Variants in ENOX1 observed in about 807,000 individuals in gnomAD.
The protein encoded by ENOX1 is ecto-NOX disulfide-thiol exchanger 1.
In ENOX1, 42 loss-of-function variants were observed where a neutral mutation model predicts 82.5. The ratio of observed to expected loss-of-function variants is 0.51; its 90% CI spans 0.40 to 0.66. ENOX1 has a LOEUF of 0.66. Ranked by LOEUF, ENOX1 falls within the 30% of genes least tolerant of loss-of-function variation. The pLI is 0.00. For missense variants in ENOX1, 608 were observed against 811.6 expected (o/e 0.75, Z 3.05); for synonymous variants, 271 against 282.2 (o/e 0.96, Z 0.40).
At chr13:43,339,628 T>C (rs1271400423) in intron 9 of ENOX1, among the ~76,000 whole-genome samples, 3 of 152,172 alleles carry the variant, frequency 2.0e-5, no homozygotes, top group Non-Finnish European at 4.4e-5. Flanking sequence ...GGCTGTTTAG[T>C]GGACAGGCTA....
At chr13:43,778,112 T>C (rs866876735) in intron 1 of ENOX1, among the ~76,000 whole-genome samples, 4 of 152,240 alleles carry the variant, frequency 2.6e-5, no homozygotes, top group Non-Finnish European at 4.4e-5. Flanking sequence ...GGGGATGATG[T>C]TGGGTTACTA....
At chr13:43,383,053 A>G (rs958118749) in intron 5 of ENOX1, among the ~76,000 whole-genome samples, 1 of 152,216 alleles carries the variant, frequency 6.6e-6, no homozygotes, top group Non-Finnish European at 1.5e-5. Flanking sequence ...CTATAGTTTT[A>G]GAAGTCAGCA....
At chr13:43,751,637 T>A (rs1950328059) in intron 1 of ENOX1, among the ~76,000 whole-genome samples, 1 of 152,138 alleles carries the variant, frequency 6.6e-6, no homozygotes, top group Non-Finnish European at 1.5e-5. Context: ...CAATATGTAG[T>A]CTTTATTTTT....
chr13:43,283,930 G>C (rs2153493523), intron 12 of ENOX1, among the ~76,000 whole-genome samples: 1 of 151,846 alleles, frequency 6.6e-6, no homozygotes, highest in South Asian at 2.1e-4. Flanking sequence ...ATTTCTTTTT[G>C]AAGCTGTAAA....
chr13:43,649,609 C>A (rs1450521822), intron 2 of ENOX1, among the ~76,000 whole-genome samples: 1 of 152,088 alleles, frequency 6.6e-6, no homozygotes, highest in East Asian at 1.9e-4. Context: ...GATTTGATTT[C>A]CAACTTCATC....
At chr13:43,340,649 T>C (rs2048997124) in intron 9 of ENOX1, among the ~76,000 whole-genome samples, 1 of 152,212 alleles carries the variant, frequency 6.6e-6, no homozygotes, top group Non-Finnish European at 1.5e-5. Flanking sequence ...CAATTTCCAA[T>C]AAAAAGTACA....
intron 12 of ENOX1, among the ~76,000 whole-genome samples, chr13:43,275,890 G>C (rs894246722): frequency 6.6e-5 from 10 of 152,242 alleles, no homozygotes; most frequent in African/African-American, 2.4e-4. Context: ...GTTTCCATAG[G>C]AATCCAGGAG....
At chr13:43,662,384 A>G (rs905091280) in intron 2 of ENOX1, among the ~76,000 whole-genome samples, 16 of 152,334 alleles carry the variant, frequency 1.1e-4, no homozygotes, top group African/African-American at 3.6e-4. Context: ...GAGCATCTCC[A>G]TGCAATATAG....
intron 2 of ENOX1, among the ~76,000 whole-genome samples, chr13:43,528,575 G>A (rs2078078523): frequency 6.6e-6 from 1 of 151,856 alleles, no homozygotes; most frequent in Non-Finnish European, 1.5e-5. Context: ...GTATTTTATT[G>A]TCCATTTAAA....
intron 9 of ENOX1, among the ~76,000 whole-genome samples, chr13:43,327,302 T>C (rs567795062): frequency 4.4e-4 from 67 of 152,346 alleles, no homozygotes; most frequent in African/African-American, 1.6e-3. Context: ...CCCCGCCCTC[T>C]GGCTCCCAGA....
At chr13:43,727,912 A>G (rs2089088105) in intron 1 of ENOX1, among the ~76,000 whole-genome samples, 1 of 152,222 alleles carries the variant, frequency 6.6e-6, no homozygotes, top group Admixed American at 6.5e-5. Context: ...CACATCTGGT[A>G]TAAACAATAC....
At chr13:43,469,944 A>G (rs2057914034) in intron 3 of ENOX1, among the ~76,000 whole-genome samples, 2 of 151,002 alleles carry the variant, frequency 1.3e-5, no homozygotes, top group Admixed American at 1.3e-4. Flanking sequence ...CCAATGGAAC[A>G]GAGCAGAGAG....
intron 15 of ENOX1, among the ~76,000 whole-genome samples, chr13:43,228,615 A>T (rs910103056): frequency 2.6e-5 from 4 of 152,172 alleles, no homozygotes; most frequent in Non-Finnish European, 5.9e-5. Context: ...TATTTACATT[A>T]TTGGGTCTCA....
At chr13:43,450,872 C>T (rs927655) in intron 3 of ENOX1, among the ~76,000 whole-genome samples, 148,795 of 152,226 alleles carry the variant, frequency 0.98, 72,817 homozygotes, top group East Asian at 1. Flanking sequence ...TGTCAAAGCA[C>T]TGTAAAATAC....
At chr13:43,521,144 T>C (rs1197369211) in intron 2 of ENOX1, among the ~76,000 whole-genome samples, 2 of 152,196 alleles carry the variant, frequency 1.3e-5, no homozygotes, top group Non-Finnish European at 2.9e-5. Flanking sequence ...TTAACTTTTG[T>C]CCAGACCTTC....
intron 9 of ENOX1, among the ~76,000 whole-genome samples, chr13:43,335,006 A>G (rs1262405356): frequency 6.6e-6 from 1 of 152,198 alleles, no homozygotes; most frequent in East Asian, 1.9e-4. Flanking sequence ...GTGTGACCTG[A>G]AGAAAGTGTC....
At chr13:43,747,819 A>G (rs1950108023) in intron 1 of ENOX1, among the ~76,000 whole-genome samples, 1 of 152,236 alleles carries the variant, frequency 6.6e-6, no homozygotes, top group African/African-American at 2.4e-5. Context: ...TCAGATCCCA[A>G]AGGGATCCAT....
intron 2 of ENOX1, among the ~76,000 whole-genome samples, chr13:43,542,918 G>A (rs2078806205): frequency 6.6e-6 from 1 of 152,134 alleles, no homozygotes; most frequent in South Asian, 2.1e-4. Context: ...ATGGTGGAAG[G>A]GAGCTCTCTA....
chr13:43,267,087 T>C (rs1038711455), intron 13 of ENOX1, among the ~76,000 whole-genome samples: 2 of 152,192 alleles, frequency 1.3e-5, no homozygotes, highest in African/African-American at 4.8e-5. Context: ...CTGTGCTCCA[T>C]TGCCAGAACC....
Sources: gnomAD v4.1 joint callset for allele counts (sites outside exome capture counted in the v4.1 genomes callset) on GRCh38, gnomAD v4.1.1 for gene constraint, MANE v1.5 for transcripts, NCBI Gene and HGNC (gene_info 2026-07-23, HGNC 2026-07-21) for gene names.